DACH1: variants seen among roughly 807,000 people sequenced by gnomAD.
DACH1 encodes dachshund family transcription factor 1, also known as dachshund homolog 1.
Under a neutral mutation model 54.2 loss-of-function variants are expected in DACH1, and 12 were observed. The observed-to-expected ratio is 0.22, with a 90% CI of 0.14 to 0.36. The LOEUF is 0.36. Ranked by LOEUF, DACH1 falls within the 10% of genes least tolerant of loss-of-function variation. The probability of loss-of-function intolerance (pLI) is 1.00; values close to 1 mark genes in which losing one functional copy is unlikely to be tolerated. For synonymous variants in DACH1, 386 were observed against 366.2 expected (o/e 1.05, Z -0.62); for missense variants, 805 against 929.8 (o/e 0.87, Z 1.75).
chr13:71,587,677 A>T (rs1046715325), intron 3 of DACH1, among the ~76,000 whole-genome samples: 8 of 152,066 alleles, frequency 5.3e-5, no homozygotes, highest in Non-Finnish European at 8.8e-5. Flanking sequence ...CTGAGAATTA[A>T]TCTATGATAC....
intron 10 of DACH1, among the ~76,000 whole-genome samples, chr13:71,472,282 G>T (rs1051600284): frequency 3.9e-5 from 6 of 152,022 alleles, no homozygotes. Context: ...AATTATTTAG[G>T]GCTTCTTTCT....
intron 3 of DACH1, among the ~76,000 whole-genome samples, chr13:71,608,356 T>C (rs1471500640): frequency 6.6e-6 from 1 of 151,934 alleles, no homozygotes; most frequent in Non-Finnish European, 1.5e-5. Context: ...CATGTACCCA[T>C]TACAAAAGAG....
intron 2 of DACH1, among the ~76,000 whole-genome samples, chr13:71,677,219 T>G (rs970539821): frequency 2.0e-5 from 3 of 152,210 alleles, no homozygotes; most frequent in Non-Finnish European, 4.4e-5. Context: ...GTTGCTAGGA[T>G]GAATTATTTC....
At chr13:71,527,958 A>G (rs1380239920) in intron 6 of DACH1, among the ~76,000 whole-genome samples, 1 of 152,132 alleles carries the variant, frequency 6.6e-6, no homozygotes, top group Non-Finnish European at 1.5e-5. Context: ...ACTCTTAGGC[A>G]TATAACCATA....
chr13:71,716,703 C>T (rs1041538067), intron 1 of DACH1, among the ~76,000 whole-genome samples: 3 of 152,132 alleles, frequency 2.0e-5, no homozygotes, highest in Non-Finnish European at 4.4e-5. Context: ...CCTTTAAATG[C>T]AGCAACTATG....
intron 2 of DACH1, among the ~76,000 whole-genome samples, chr13:71,660,251 T>G (rs1001814470): frequency 1.3e-5 from 2 of 152,130 alleles, no homozygotes; most frequent in African/African-American, 4.8e-5. Flanking sequence ...TTCACTATGT[T>G]GCTACATGCA....
intron 1 of DACH1, among the ~76,000 whole-genome samples, chr13:71,783,120 TC>T (rs1180628334): frequency 1.3e-5 from 2 of 152,106 alleles, no homozygotes; most frequent in Admixed American, 1.3e-4. Flanking sequence ...GTACACACGT[TC>T]CTGCACAGAG....
At chr13:71,760,263 C>T (rs899793073) in intron 1 of DACH1, among the ~76,000 whole-genome samples, 4 of 152,086 alleles carry the variant, frequency 2.6e-5, no homozygotes, top group Non-Finnish European at 5.9e-5. Context: ...TTTGATTGAG[C>T]GTCTATCATG....
rs990261704 is a variant in DACH1 at position 71,440,352 on chromosome 13, T to A, written c.*303A>T. ...ATTAGAAAAAAACAAAGCTAGGTCT[T>A]ATTCAGACCTGCCTTTAACTCTGTA... On this transcript the variant is annotated 3_prime_UTR_variant, in exon 11 of 11. Coordinates refer to ENST00000613252, the MANE Select transcript of DACH1 (RefSeq NM_080759.6). The A allele has an allele frequency of 7.9e-5, 21 of 265,958 alleles. No individual in the cohort carries two copies. Among genetic ancestry groups the A allele is most frequent in the Non-Finnish European group, 7.0e-6 (1 of 142,852 alleles). The allele number at this position is 265,958 out of a possible 1,614,324, so 16.5% of individuals were successfully genotyped here. A position where few individuals can be genotyped will look rare whatever the true frequency, so the allele number is the denominator to read the frequency against.
chr13:71,714,114 A>G (rs1827075160), intron 1 of DACH1, among the ~76,000 whole-genome samples: 1 of 152,066 alleles, frequency 6.6e-6, no homozygotes, highest in Non-Finnish European at 1.5e-5. Context: ...GCTCAGCTAT[A>G]TCATATCTTC....
chr13:71,589,042 A>T (rs1053966207), intron 3 of DACH1, among the ~76,000 whole-genome samples: 2 of 152,062 alleles, frequency 1.3e-5, no homozygotes, highest in Non-Finnish European at 2.9e-5. Context: ...CAAAAAAATA[A>T]AATAAAAAGG....
At chr13:71,588,384 T>G (rs1463147285) in intron 3 of DACH1, among the ~76,000 whole-genome samples, 1 of 152,110 alleles carries the variant, frequency 6.6e-6, no homozygotes, top group African/African-American at 2.4e-5. Context: ...AAAAACAAAG[T>G]TTGACCACAC....
chr13:71,642,807 G>T (rs765258703), intron 2 of DACH1, among the ~76,000 whole-genome samples: 28 of 152,028 alleles, frequency 1.8e-4, no homozygotes, highest in Non-Finnish European at 3.5e-4. Flanking sequence ...GATCACTTGA[G>T]GTCAGGAGTT....
chr13:71,863,219 T>C (rs181613318), intron 1 of DACH1, among the ~76,000 whole-genome samples: 1 of 152,084 alleles, frequency 6.6e-6, no homozygotes, highest in South Asian at 2.1e-4. Context: ...AATAATAATA[T>C]AGGGTAAACA....
At chr13:71,742,765 A>G (rs144202027) in intron 1 of DACH1, among the ~76,000 whole-genome samples, 22 of 151,910 alleles carry the variant, frequency 1.4e-4, no homozygotes, top group Admixed American at 1.3e-3. Context: ...CTTCCTTTTT[A>G]CCTCAAGGAT....
At chr13:71,593,710 CCTTAA>C (rs1265828825) in intron 3 of DACH1, among the ~76,000 whole-genome samples, 74 of 151,870 alleles carry the variant, frequency 4.9e-4, no homozygotes, top group Non-Finnish European at 3.4e-4. Context: ...TATTCATAAT[CCTTAA>C]CTTAAGAGAT....
intron 10 of DACH1, among the ~76,000 whole-genome samples, chr13:71,455,804 T>C (rs889335210): frequency 5.9e-5 from 9 of 152,200 alleles, no homozygotes; most frequent in Non-Finnish European, 1.2e-4. Flanking sequence ...GTGATTGTAA[T>C]TGGCTGAGAT....
chr13:71,482,637 T>C (rs1465213686), intron 7 of DACH1, among the ~76,000 whole-genome samples: 3 of 152,120 alleles, frequency 2.0e-5, no homozygotes, highest in Non-Finnish European at 4.4e-5. Context: ...TGAGTGTGCC[T>C]AGATCAGAAC....
intron 1 of DACH1, among the ~76,000 whole-genome samples, chr13:71,713,754 TAA>T (rs140460581): frequency 0.015 from 2,231 of 152,222 alleles, 44 homozygotes; most frequent in East Asian, 0.046. Flanking sequence ...TCTCGTTCAA[TAA>T]AAGGTGTATT....
Sources: allele counts gnomAD v4.1 joint callset (sites outside exome capture counted in the v4.1 genomes callset), GRCh38; gene constraint gnomAD v4.1.1; transcripts MANE v1.5; gene names NCBI Gene and HGNC (gene_info 2026-07-23, HGNC 2026-07-21).